SLC16A4: variants seen among roughly 807,000 people sequenced by gnomAD.
SLC16A4 encodes probable monocarboxylate transporter 5.
SLC16A4 carries 39 observed loss-of-function variants against 47.9 expected under a neutral mutation model. The ratio of observed to expected loss-of-function variants is 0.81; its 90% CI spans 0.63 to 1.06. The LOEUF (loss-of-function observed/expected upper bound fraction) is 1.06. Among genes scored for constraint, SLC16A4 ranks in the 50% least tolerant of loss-of-function variants. SLC16A4 has a pLI of 0.00. For synonymous variants in SLC16A4, 189 were observed against 199.9 expected, an observed-to-expected ratio of 0.95 and a Z score of 0.46; for missense variants, 524 against 573.8, an observed-to-expected ratio of 0.91 and a Z score of 0.89.
chr1:110,381,155 AC>A lies in SLC16A4; in HGVS notation c.365-13del. 6.2e-7 allele frequency: 1 copy of A among 1,612,646 alleles called. No individual in the cohort carries two copies. The highest frequency in any genetic ancestry group is 8.5e-7 in the Non-Finnish European group (1 of 1,179,028). ...AGCAGAACCCAAACCTAAAAGAAAA[AC>A]GTAATAGTTTAGAATCACTCTTACA... On this transcript the variant is annotated splice_polypyrimidine_tract_variant and intron_variant, in intron 4 of 8. Transcript: ENST00000369779.
At chr1:110,385,620 T>C (rs571582101) in intron 2 of SLC16A4, among the ~76,000 whole-genome samples, 149 of 152,330 alleles carry the variant, frequency 9.8e-4, no homozygotes, top group African/African-American at 3.5e-3. Flanking sequence ...CCTCAGCCCC[T>C]GCTTTTAAAT....
rs1019266431 is a variant in SLC16A4 at position 110,362,952 on chromosome 1, T to A, written c.*814A>T. 9.9e-5 allele frequency: 15 copies of A among 152,142 alleles called. No individual in the cohort carries two copies. The highest frequency in any genetic ancestry group is 3.2e-3 in the Middle Eastern group (1 of 314). 9.4% of individuals were successfully genotyped at this position (152,142 alleles called of 1,614,324 possible). A position where few individuals can be genotyped will look rare whatever the true frequency, so the allele number is the denominator to read the frequency against. ...AAAGAAAGTAAGGATTACCTTTAATTAAGAACCTAAGTAATACAAAGAAAG... is the reference window on the plus strand; with the variant it reads ...AAAGAAAGTAAGGATTACCTTTAATAAAGAACCTAAGTAATACAAAGAAAG... On this transcript the variant is annotated 3_prime_UTR_variant, in exon 9 of 9. Transcript: ENST00000369779.
chr1:110,386,508 C>T (rs980931807), intron 2 of SLC16A4, among the ~76,000 whole-genome samples: 2 of 152,128 alleles, frequency 1.3e-5, no homozygotes, highest in Non-Finnish European at 1.5e-5. Context: ...CTCCAGTCCC[C>T]TCATTTTCTT....
intron 6 of SLC16A4, 65 bp downstream of exon 6, chr1:110,378,788 T>C (rs1662170765): frequency 1.3e-6 from 2 of 1,513,938 alleles, no homozygotes; most frequent in African/African-American, 2.8e-5. Context: ...TATTAAAATG[T>C]AATAAGCTTG....
chr1:110,376,975 T>TA lies in SLC16A4; in HGVS notation c.1216dup (p.Tyr406LeufsTer11), dbSNP rs749176707. ...CAGTACAGGCAGTATCAATGCCAGGTAACCACCAGCAAAGATGGCAAAGCA... is the reference window on the plus strand; with the variant it reads ...CAGTACAGGCAGTATCAATGCCAGGTAAACCACCAGCAAAGATGGCAAAGCA... On this transcript the variant is annotated frameshift_variant, in exon 7 of 9. Transcript: ENST00000369779. LOFTEE classifies it high-confidence loss of function. 1 of 1,614,042 alleles carries TA rather than the reference T, an allele frequency of 6.2e-7. No homozygotes were observed. Among genetic ancestry groups the TA allele is most frequent in the Admixed American group, 1.7e-5 (1 of 60,022 alleles).
chr1:110,376,317 C>T (rs1250031468), intron 7 of SLC16A4, among the ~76,000 whole-genome samples: 2 of 152,134 alleles, frequency 1.3e-5, no homozygotes, highest in South Asian at 2.1e-4. Context: ...AGCACTTACG[C>T]TAATATTGAT....
rs1400455611 is a variant in SLC16A4, at chr1:110,380,997, G to C, written c.511C>G (p.Leu171Val). The change falls in exon 5 of 9, where the codon CTG becomes GTG. Residue 171 changes from leucine (L) to valine (V), a missense_variant. Coordinates refer to ENST00000369779, the MANE Select transcript of SLC16A4 (RefSeq NM_004696.3). The stretch of plus-strand genomic sequence containing the variant: ...AATGACGTACCTGTCCAGTCATACA[G>C]ATCTATCAGGAATTTTGTAAAGGGT... ...LAPFTKFLID[L>V]YDWTGALILF... 4.3e-6 allele frequency: 7 copies of C among 1,614,012 alleles called. No individual in the cohort carries two copies. Among genetic ancestry groups the C allele is most frequent in the Non-Finnish European group, 5.9e-6 (7 of 1,179,894 alleles).
chr1:110,374,607 G>A (rs1197819348), intron 8 of SLC16A4, among the ~76,000 whole-genome samples: 1 of 152,192 alleles, frequency 6.6e-6, no homozygotes, highest in East Asian at 1.9e-4. Flanking sequence ...ATTCAAGTTT[G>A]TAATAGTATT....
At chr1:110,378,699 C>T (rs946845849) in intron 6 of SLC16A4, among the ~76,000 whole-genome samples, 154 bp downstream of exon 6, 1 of 152,130 alleles carries the variant, frequency 6.6e-6, no homozygotes, top group African/African-American at 2.4e-5. Flanking sequence ...TGGGAAATGC[C>T]CAGGTGCTCC....
Position 110,389,228 on chromosome 1 carries a change from A to G in SLC16A4, c.87+9T>C, listed in dbSNP as rs201018184. 96 of 1,610,892 alleles carry G rather than the reference A, an allele frequency of 6.0e-5. No individual in the cohort carries two copies. Among genetic ancestry groups the G allele is most frequent in the Non-Finnish European group, 7.7e-5 (91 of 1,177,160 alleles). On this transcript the variant is annotated intron_variant, in intron 2 of 8. Coordinates refer to ENST00000369779, the MANE Select transcript of SLC16A4 (RefSeq NM_004696.3). ...GCAATAGGAAAGGGGGAAAAAAGTG[A>G]ATTCTTACCAGGAAAAAATGAATCA...
intron 8 of SLC16A4, chr1:110,370,266 CAT>C (rs1483067379): frequency 2.6e-5 from 4 of 151,896 alleles, no homozygotes; most frequent in Non-Finnish European, 5.9e-5. Context: ...CCCCACAGAA[CAT>C]ATAGAGGACA....
intron 8 of SLC16A4, chr1:110,370,186 G>C (rs143625344): frequency 4.6e-5 from 7 of 152,188 alleles, no homozygotes; most frequent in African/African-American, 9.6e-5. Flanking sequence ...AATCTGTAAG[G>C]CTTTGTAGTT....
At position 110,389,609 on chromosome 1, in the gene SLC16A4, A is replaced by C. The variant is rs375822161; in HGVS notation, c.-32-254T>G. Among the ~76,000 whole-genome samples, 31 of 152,356 alleles carry C rather than the reference A, an allele frequency of 2.0e-4. No homozygotes were observed. The South Asian group carries it at 6.4e-3, about 32-fold the overall frequency. On this transcript the variant is annotated intron_variant, in intron 1 of 8. Transcript: ENST00000369779. Reference sequence around the variant, plus strand: ...AAAAGCCACATGCACTTTTATGTTCACTGCAGCATTATTCACAATAGCAAA... The same window carrying C: ...AAAAGCCACATGCACTTTTATGTTCCCTGCAGCATTATTCACAATAGCAAA...
intron 8 of SLC16A4, among the ~76,000 whole-genome samples, chr1:110,367,984 G>A (rs1485580268): frequency 6.6e-6 from 1 of 151,860 alleles, no homozygotes; most frequent in Non-Finnish European, 1.5e-5. Flanking sequence ...GTCCGCCACC[G>A]TGCCCGGCTA....
At chr1:110,386,875 C>T (rs777848559) in intron 2 of SLC16A4, among the ~76,000 whole-genome samples, 28 of 152,244 alleles carry the variant, frequency 1.8e-4, no homozygotes, top group South Asian at 4.1e-4. Context: ...CACTGCTCCA[C>T]TGTACTAGCT....
chr1:110,383,174 A>T (rs897571001), intron 2 of SLC16A4, among the ~76,000 whole-genome samples: 4 of 152,170 alleles, frequency 2.6e-5, no homozygotes, highest in African/African-American at 9.7e-5. Flanking sequence ...ATCTCATTTA[A>T]TCCTCATTTC....
In SLC16A4 at chr1:110,363,625, CAAAA is replaced by C. The variant is rs57148886; in HGVS notation, c.*137_*140del. On this transcript the variant is annotated 3_prime_UTR_variant, in exon 9 of 9. Transcript: ENST00000369779. Reference sequence around the variant, plus strand: ...TGGGCGAAAGAGCGAGACTCCGTCTCAAAAAAAAAAAAAAAAAAATTGTTTTCCT... The same window carrying C: ...TGGGCGAAAGAGCGAGACTCCGTCTCAAAAAAAAAAAAAAATTGTTTTCCT... 1.1e-3 allele frequency: 515 copies of C among 486,496 alleles called. No homozygotes were observed. The highest frequency in any genetic ancestry group is 2.2e-3 in the South Asian group (63 of 28,098). The allele number at this position is 486,496 out of a possible 1,614,324, so 30.1% of individuals were successfully genotyped here.
At chr1:110,376,568 G>A (rs1267964483) in intron 7 of SLC16A4, among the ~76,000 whole-genome samples, 1 of 152,142 alleles carries the variant, frequency 6.6e-6, no homozygotes, top group Non-Finnish European at 1.5e-5. Flanking sequence ...ACACTGGTCG[G>A]GAAATCCTTT....
At chr1:110,387,676 G>A (rs1231159166) in intron 2 of SLC16A4, among the ~76,000 whole-genome samples, 2 of 152,164 alleles carry the variant, frequency 1.3e-5, no homozygotes, top group Non-Finnish European at 2.9e-5. Context: ...AAAAGTCAGG[G>A]TGGTTACTGG....
Sources: gnomAD v4.1 joint callset for allele counts (sites outside exome capture counted in the v4.1 genomes callset) on GRCh38, gnomAD v4.1.1 for gene constraint, MANE v1.5 for transcripts, NCBI Gene and HGNC (gene_info 2026-07-23, HGNC 2026-07-21) for gene names.